MCF2L: variants seen among roughly 807,000 people sequenced by gnomAD.
The protein encoded by MCF2L is guanine nucleotide exchange factor DBS.
In MCF2L, 97 loss-of-function variants were observed where a neutral mutation model predicts 153.4. The observed-to-expected ratio is 0.63, with a 90% confidence interval of 0.54 to 0.75. The LOEUF is 0.75. MCF2L is among the 30% of genes least tolerant of loss of function. The pLI is 0.00. For missense variants in MCF2L, 1,347 were observed against 1,495.2 expected, an observed-to-expected ratio of 0.90 and a Z score of 1.64; for synonymous variants, 659 against 632.2, an observed-to-expected ratio of 1.04 and a Z score of -0.64.
At chr13:113,032,080 A>G (rs1336550664) in intron 3 of MCF2L, among the ~76,000 whole-genome samples, 1 of 152,126 alleles carries the variant, frequency 6.6e-6, no homozygotes, top group African/African-American at 2.4e-5. Flanking sequence ...CAACAGAAAC[A>G]CGAATGTAAT....
chr13:113,007,221 G>T (rs1183679840), intron 1 of MCF2L, among the ~76,000 whole-genome samples: 1 of 152,194 alleles, frequency 6.6e-6, no homozygotes, highest in Non-Finnish European at 1.5e-5. Context: ...GGTGGATGCT[G>T]AGGCCCACCT....
chr13:113,071,389 T>C (rs997920307), intron 9 of MCF2L, among the ~76,000 whole-genome samples: 1 of 152,228 alleles, frequency 6.6e-6, no homozygotes, highest in African/African-American at 2.4e-5. Flanking sequence ...GTTTTTCACG[T>C]AGCCAAAGCA....
chr13:113,009,806 G>T (rs111355363), intron 1 of MCF2L: 1 of 152,330 alleles, frequency 6.6e-6, no homozygotes, highest in Non-Finnish European at 1.5e-5. Flanking sequence ...GCCTCTGGCC[G>T]GATGATCTGG....
rs185715860 is a variant in MCF2L at position 112,924,445 on chromosome 13, T to A, written c.169+22074T>A. On this transcript the variant is annotated intron_variant, in intron 2 of 29. Transcript: ENST00000375608. ...TACCCTGCTGCTTAACATGTAGAAA[T>A]CATAGGTAGGAACAAAAACCAAGGA... Among the ~76,000 whole-genome samples the A allele has an allele frequency of 9.2e-5, 14 of 152,198 alleles. No individual in the cohort carries two copies. In the East Asian group the frequency reaches 2.1e-3, roughly 23 times the overall value.
intron 21 of MCF2L, 96 bp from the exon 22 acceptor site, chr13:113,087,139 G>T: frequency 9.3e-7 from 1 of 1,070,764 alleles, no homozygotes; most frequent in South Asian, 1.6e-5. Context: ...CCCACCGTGG[G>T]TGGGCTTTGC....
At chr13:112,922,347 T>G (rs3011491) in intron 2 of MCF2L, among the ~76,000 whole-genome samples, 11,908 of 152,194 alleles carry the variant, frequency 0.078, 565 homozygotes, top group South Asian at 0.15. Flanking sequence ...TCATACAATT[T>G]CAGTGCAACT....
At position 112,929,344 on chromosome 13, in the gene MCF2L, C is replaced by A. The variant is rs572380720; in HGVS notation, c.169+26973C>A. Among the ~76,000 whole-genome samples, 4 of 152,340 alleles carry A rather than the reference C, an allele frequency of 2.6e-5. No individual in the cohort carries two copies. The East Asian group carries it at 5.8e-4, about 22-fold the overall frequency. ...TTCCTGCGCGGCTGCAGCAACGCTG[C>A]GGTTTGTTCAACTTCGTGGCTGCAG... On this transcript the variant is annotated intron_variant, in intron 2 of 29. Transcript: ENST00000375608.
rs2082965668 is a variant in MCF2L at position 112,993,269 on chromosome 13, G to A, written c.80-21494G>A. ...TTCGTGTGAACATGGTGGCGGGGGA[G>A]CGCCGGGCACACAACATGGTGGGTG... On this transcript the variant is annotated intron_variant, in intron 1 of 29. Coordinates refer to ENST00000535094, the MANE Select transcript of MCF2L (RefSeq NM_001112732.3). The surrounding 1 kb of genome is among the most constrained non-coding windows in gnomAD (Gnocchi z 4.6). Among the ~76,000 whole-genome samples, 1 of 152,220 alleles carries A rather than the reference G, an allele frequency of 6.6e-6. No individual in the cohort carries two copies. Among genetic ancestry groups the A allele is most frequent in the South Asian group, 2.1e-4 (1 of 4,828 alleles).
At chr13:113,084,174 T>TA in intron 18 of MCF2L, 107 bp downstream of exon 18, 1 of 958,920 alleles carries the variant, frequency 1.0e-6, no homozygotes, top group Admixed American at 1.9e-5. Context: ...AATCACAAAA[T>TA]ACGATGTTTT....
chr13:113,050,275 A>AGT (rs1566801922), intron 4 of MCF2L, among the ~76,000 whole-genome samples: 10 of 38,620 alleles, frequency 2.6e-4, no homozygotes, highest in Admixed American at 1.1e-3. Context: ...TGTGTGTGAG[A>AGT]CTGTGAGTGT....
chr13:113,090,907 A>T, intron 26 of MCF2L: 4 of 1,180,770 alleles, frequency 3.4e-6, no homozygotes, highest in Non-Finnish European at 4.3e-6. Context: ...TGAGTGCCGC[A>T]GCCCCCACTC....
In MCF2L at chr13:113,087,438, C is replaced by T; in HGVS notation, c.2577C>T (p.Ser859=). The change falls in exon 22 of 30, where the codon AGC becomes AGT. Residue 859 remains serine, a synonymous_variant. Transcript: ENST00000535094. ...GGTATGAGAAAGCTCCCTCCTACAG[C>T]TACAAGCAGTCCTTAAACGTAAGTG... The part of the protein sequence containing the change: ...GEGYEKAPSY[S]YKQSLNMAAV... The T allele has an allele frequency of 6.2e-7, 1 of 1,610,302 alleles. No individual in the cohort carries two copies. Among genetic ancestry groups the T allele is most frequent in the South Asian group, 1.1e-5 (1 of 90,814 alleles).
chr13:113,095,602 G>A, intron 27 of MCF2L: 1 of 995,296 alleles, frequency 1.0e-6, no homozygotes, highest in Non-Finnish European at 1.2e-6. Context: ...CCGTCCTCTT[G>A]CTCCAGGCCA....
chr13:113,058,753 G>GGGCAC (rs1555377903), intron 4 of MCF2L, among the ~76,000 whole-genome samples: 13 of 133,608 alleles, frequency 9.7e-5, no homozygotes, highest in African/African-American at 1.5e-4. Context: ...TGGGCGCTGT[G>GGGCAC]TGTTTGGGGG....
chr13:113,012,309 TGGTGGACAGGTGGTGTGGAC>T (rs1329584645), intron 1 of MCF2L, among the ~76,000 whole-genome samples: 2 of 95,830 alleles, frequency 2.1e-5, no homozygotes, highest in Admixed American at 1.0e-4. Flanking sequence ...GCAGTGTGGA[TGGTGGACAGGTGGTGTGGAC>T]GGTGGACAGG....
At chr13:113,033,217 A>ATG (rs2085864190) in intron 3 of MCF2L, among the ~76,000 whole-genome samples, 1 of 13,490 alleles carries the variant, frequency 7.4e-5, no homozygotes, top group Non-Finnish European at 1.6e-4. Context: ...CCCCCGTGAC[A>ATG]TGAGTGGCCC....
chr13:113,046,962 T>C lies in MCF2L; in HGVS notation c.369+1601T>C, dbSNP rs2086856400. The C allele has an allele frequency of 4.8e-6, 1 of 209,688 alleles. No individual in the cohort carries two copies. Among genetic ancestry groups the C allele is most frequent in the Non-Finnish European group, 9.6e-6 (1 of 104,354 alleles). The allele number at this position is 209,688 out of a possible 1,614,324, so 13.0% of individuals were successfully genotyped here. On this transcript the variant is annotated intron_variant, in intron 4 of 29. Coordinates refer to ENST00000535094, the MANE Select transcript of MCF2L (RefSeq NM_001112732.3). This position sits in a 1 kb window ranked among gnomAD's most constrained non-coding sequence, Gnocchi z 4.4. ...GAAAGAGGCGTAATTGGCTCACAGTTCTGCAGGCTGCACAGGCTTAGCACC... is the reference window on the plus strand; with the variant it reads ...GAAAGAGGCGTAATTGGCTCACAGTCCTGCAGGCTGCACAGGCTTAGCACC...
At position 113,035,727 on chromosome 13, in the gene MCF2L, C is replaced by T. The variant is rs2086115557; in HGVS notation, c.279-9544C>T. 6.6e-6 allele frequency among the ~76,000 whole-genome samples: 1 copy of T among 152,226 alleles called. No homozygotes were observed. The highest frequency in any genetic ancestry group is 6.5e-5 in the Admixed American group (1 of 15,282). ...GGAGGATGGAGATTTTAAGGTCTTA[C>T]TGTGGTGTGAGCGATCAGAGACCCC... On this transcript the variant is annotated intron_variant, in intron 3 of 29. Transcript: ENST00000535094. This position sits in a 1 kb window ranked among gnomAD's most constrained non-coding sequence, Gnocchi z 4.4.
At chr13:112,924,999 A>G (rs536051671) in intron 2 of MCF2L, among the ~76,000 whole-genome samples, 5 of 152,350 alleles carry the variant, frequency 3.3e-5, no homozygotes, top group African/African-American at 1.2e-4. Flanking sequence ...TTGGTTATCA[A>G]TGGTGTTGGG....
Sources: gnomAD v4.1 joint callset for allele counts (sites outside exome capture counted in the v4.1 genomes callset) on GRCh38, gnomAD v4.1.1 for gene constraint, Gnocchi (gnomAD v3.1) non-coding constraint, MANE v1.5 for transcripts, NCBI Gene and HGNC (gene_info 2026-07-23, HGNC 2026-07-21) for gene names.